Variants in INPP5D observed in about 807,000 individuals in gnomAD.
The protein encoded by INPP5D is phosphatidylinositol 3,4,5-trisphosphate 5-phosphatase 1.
Under a neutral mutation model 122.9 loss-of-function variants are expected in INPP5D, and 33 were observed. The observed-to-expected ratio is 0.27, with a 90% CI of 0.20 to 0.36. The LOEUF is 0.36. Ranked by LOEUF, INPP5D falls within the 10% of genes least tolerant of loss-of-function variation. INPP5D has a pLI of 1.00. For synonymous variants in INPP5D, 584 were observed against 576.2 expected (o/e 1.01, Z -0.19); for missense variants, 1,053 against 1,412.7 (o/e 0.75, Z 4.08).
intron 6 of INPP5D, chr2:233,145,286 G>T: frequency 2.2e-6 from 1 of 456,240 alleles, no homozygotes; most frequent in Non-Finnish European, 4.4e-6. Flanking sequence ...CCTCAGACAA[G>T]TTAGTTCATC....
chr2:233,175,217 CAAAAAA>C (rs1220185296), intron 17 of INPP5D, among the ~76,000 whole-genome samples: 6 of 68,616 alleles, frequency 8.7e-5, no homozygotes, highest in African/African-American at 1.9e-4. Flanking sequence ...GACTCCATCT[CAAAAAA>C]AAAAAAAAAA....
intron 2 of INPP5D, among the ~76,000 whole-genome samples, chr2:233,104,202 G>T (rs988785809): frequency 3.3e-5 from 5 of 151,388 alleles, no homozygotes; most frequent in Non-Finnish European, 7.4e-5. Flanking sequence ...GTAGAGATGG[G>T]ATTTCACCAT....
chr2:233,081,822 C>T (rs542538494), intron 2 of INPP5D, among the ~76,000 whole-genome samples: 41 of 152,294 alleles, frequency 2.7e-4, no homozygotes, highest in African/African-American at 9.9e-4. Flanking sequence ...GGCCGCTCTT[C>T]CCAGCCAGCA....
chr2:233,113,923 T>C (rs1434866808), intron 2 of INPP5D, among the ~76,000 whole-genome samples: 1 of 148,158 alleles, frequency 6.7e-6, no homozygotes, highest in East Asian at 2.0e-4. Flanking sequence ...TTTTTTTTTT[T>C]TGAGACGGAG....
chr2:233,192,097 C>T (rs947664601), intron 22 of INPP5D, among the ~76,000 whole-genome samples: 2 of 152,144 alleles, frequency 1.3e-5, no homozygotes, highest in African/African-American at 4.8e-5. Context: ...GCAAGAGGGT[C>T]CCCAAGCTGC....
chr2:233,192,753 G>A (rs1695085656), intron 22 of INPP5D, among the ~76,000 whole-genome samples: 1 of 152,120 alleles, frequency 6.6e-6, no homozygotes, highest in East Asian at 1.9e-4. Context: ...ATTCCTTTGA[G>A]TAATCTCATT....
chr2:233,073,870 C>T (rs758729994), intron 1 of INPP5D, among the ~76,000 whole-genome samples: 7 of 152,098 alleles, frequency 4.6e-5, no homozygotes, highest in Non-Finnish European at 1.0e-4. Context: ...CTAAACGTCC[C>T]GGCTGTCCCT....
rs908208859 is a variant in INPP5D at position 233,060,929 on chromosome 2, G to A, written c.134+317G>A. The stretch of plus-strand genomic sequence containing the variant: ...TTTGGGCTTTTGGAGCCAGGAGGAA[G>A]CTCAGGGCTCTGTGGAGGTGGGTGT... On this transcript the variant is annotated intron_variant, in intron 1 of 26. Transcript: ENST00000445964. Among the ~76,000 whole-genome samples the A allele has an allele frequency of 2.0e-5, 3 of 152,312 alleles. No individual in the cohort carries two copies. In the East Asian group the frequency reaches 5.8e-4, roughly 29 times the overall value.
At chr2:233,196,513 G>A (rs945880373) in intron 24 of INPP5D, among the ~76,000 whole-genome samples, 1 of 152,182 alleles carries the variant, frequency 6.6e-6, no homozygotes, top group African/African-American at 2.4e-5. Context: ...GTGGGACAGA[G>A]GACACCAGCA....
chr2:233,124,287 G>A (rs951826136), intron 3 of INPP5D, among the ~76,000 whole-genome samples: 4 of 152,122 alleles, frequency 2.6e-5, no homozygotes, highest in African/African-American at 4.8e-5. Flanking sequence ...CCCTTGCCTG[G>A]CTCCTGCCTG....
chr2:233,166,983 CAA>C (rs762605517), intron 13 of INPP5D, among the ~76,000 whole-genome samples: 9 of 125,450 alleles, frequency 7.2e-5, no homozygotes, highest in East Asian at 2.3e-4. Context: ...GACTCTATCT[CAA>C]AAAAAAAAAA....
At chr2:233,084,469 C>T (rs1240309154) in intron 2 of INPP5D, among the ~76,000 whole-genome samples, 1 of 152,214 alleles carries the variant, frequency 6.6e-6, no homozygotes, top group African/African-American at 2.4e-5. Context: ...CTGAGCCATT[C>T]CGGTGAGTTC....
At chr2:233,182,340 G>A in intron 18 of INPP5D, 70 bp from the exon 19 acceptor site, 1 of 1,597,138 alleles carries the variant, frequency 6.3e-7, no homozygotes. Context: ...TCTGCTTTAG[G>A]GTTGCCATCC....
At chr2:233,122,568 C>G (rs1020323631) in intron 3 of INPP5D, among the ~76,000 whole-genome samples, 1 of 152,018 alleles carries the variant, frequency 6.6e-6, no homozygotes, top group Non-Finnish European at 1.5e-5. Context: ...TTTGGGAGGC[C>G]GAGGTGGGAG....
At chr2:233,075,956 A>C (rs1691508942) in intron 1 of INPP5D, among the ~76,000 whole-genome samples, 1 of 152,184 alleles carries the variant, frequency 6.6e-6, no homozygotes, top group South Asian at 2.1e-4. Context: ...TTTTGGTAAC[A>C]TGGAGCTGTT....
chr2:233,182,270 TG>T, intron 18 of INPP5D, 139 bp from the exon 19 acceptor site: 1 of 1,246,822 alleles, frequency 8.0e-7, no homozygotes, highest in Non-Finnish European at 1.1e-6. Context: ...AGCATTGCTG[TG>T]GAAGGACAAC....
Position 233,172,610 on chromosome 2 carries a change from TACTG to T in INPP5D, c.1989+1460_1989+1463del, listed in dbSNP as rs1694516955. On this transcript the variant is annotated intron_variant, in intron 17 of 26. Coordinates refer to ENST00000445964, the MANE Select transcript of INPP5D (RefSeq NM_001017915.3). ...AAAAAATAGAACTTGTTTTCAGACT[TACTG>T]ATTGTGTGACATCAGTGGAAGAACC... Among the ~76,000 whole-genome samples the T allele has an allele frequency of 2.0e-5, 3 of 152,304 alleles. No homozygotes were observed. In the South Asian group the frequency reaches 6.2e-4, roughly 32 times the overall value.
In INPP5D at chr2:233,189,220, C is replaced by T. The variant is rs2106319452; in HGVS notation, c.2359-630C>T. On this transcript the variant is annotated intron_variant, in intron 21 of 26. Transcript: ENST00000445964. The surrounding 1 kb of genome is among the most constrained non-coding windows in gnomAD (Gnocchi z 5.6). ...AGCTGGCACTCCCCAGCTCTGGAAA[C>T]TTGCTCGCAGATGGAATGTGGGAGC... Among the ~76,000 whole-genome samples the T allele has an allele frequency of 6.6e-6, 1 of 152,320 alleles. No homozygotes were observed. The highest frequency in any genetic ancestry group is 1.5e-5 in the Non-Finnish European group (1 of 68,018).
At chr2:233,191,141 C>T (rs1360633318) in intron 22 of INPP5D, among the ~76,000 whole-genome samples, 1 of 152,144 alleles carries the variant, frequency 6.6e-6, no homozygotes, top group Non-Finnish European at 1.5e-5. Flanking sequence ...TTCTGCAGGG[C>T]TGGGGAGGCC....
Sources: allele counts gnomAD v4.1 joint callset (sites outside exome capture counted in the v4.1 genomes callset), GRCh38; gene constraint gnomAD v4.1.1; non-coding constraint Gnocchi (gnomAD v3.1); transcripts MANE v1.5; gene names NCBI Gene and HGNC (gene_info 2026-07-23, HGNC 2026-07-21).